ARID1B: variants seen among roughly 807,000 people sequenced by gnomAD.
ARID1B encodes the protein AT-rich interactive domain-containing protein 1B.
Under a neutral mutation model 212.3 loss-of-function variants are expected in ARID1B, and 30 were observed. The observed-to-expected ratio is 0.14, with a 90% CI of 0.11 to 0.19. The LOEUF is 0.19. Among genes scored for constraint, ARID1B ranks in the 10% least tolerant of loss-of-function variants. The probability of loss-of-function intolerance (pLI) is 1.00; values close to 1 mark genes in which losing one functional copy is unlikely to be tolerated. For missense variants in ARID1B, 2,891 were observed against 3,204.0 expected, an observed-to-expected ratio of 0.90 and a Z score of 2.36; for synonymous variants, 1,402 against 1,301.7, an observed-to-expected ratio of 1.08 and a Z score of -1.66.
At chr6:156,896,523 C>T (rs1219938372) in intron 2 of ARID1B, among the ~76,000 whole-genome samples, 2 of 143,706 alleles carry the variant, frequency 1.4e-5, no homozygotes, top group Non-Finnish European at 3.0e-5. Context: ...TTACAGTGAG[C>T]CGAGACCACA....
At chr6:156,992,442 A>G (rs1034276896) in intron 4 of ARID1B, among the ~76,000 whole-genome samples, 4 of 152,344 alleles carry the variant, frequency 2.6e-5, no homozygotes. Flanking sequence ...CTGAATTTAG[A>G]AGATGGTTAA....
rs1330176643 is a variant in ARID1B at position 157,194,584 on chromosome 6, A to C, written c.4232-1581A>C. The C allele has an allele frequency of 2.6e-5, 4 of 152,320 alleles. 1 individual carries two copies. In the Middle Eastern group the frequency reaches 0.014, roughly 518 times the overall value. 9.4% of individuals were successfully genotyped at this position (152,320 alleles called of 1,614,324 possible). A position where few individuals can be genotyped will look rare whatever the true frequency, so the allele number is the denominator to read the frequency against. Reference sequence around the variant, plus strand: ...TTCCTTCAGGCTCTGAGCTGATGCTAATTTGCATGTACTACCTACTTGTCA... The same window carrying C: ...TTCCTTCAGGCTCTGAGCTGATGCTCATTTGCATGTACTACCTACTTGTCA... On this transcript the variant is annotated intron_variant, in intron 15 of 19. Transcript: ENST00000636930.
At chr6:156,829,089 T>G (rs1320170298) in intron 1 of ARID1B, 138 bp from the exon 2 acceptor site, 2 of 676,184 alleles carry the variant, frequency 3.0e-6, no homozygotes, top group Non-Finnish European at 4.8e-6. Context: ...TTGCTGGATG[T>G]TTTGTCAGGT....
At chr6:156,987,973 T>C (rs1778035798) in intron 4 of ARID1B, among the ~76,000 whole-genome samples, 2 of 152,206 alleles carry the variant, frequency 1.3e-5, no homozygotes, top group Non-Finnish European at 2.9e-5. Flanking sequence ...GTGTGCATGA[T>C]GGTGATGTTG....
chr6:157,037,500 T>G (rs1270118762), intron 4 of ARID1B, among the ~76,000 whole-genome samples: 2 of 152,218 alleles, frequency 1.3e-5, no homozygotes, highest in East Asian at 1.9e-4. Context: ...TAGGTTATAC[T>G]GAGGCAAGAA....
intron 6 of ARID1B, among the ~76,000 whole-genome samples, chr6:157,113,346 T>G (rs1787073991): frequency 6.6e-6 from 1 of 152,258 alleles, no homozygotes; most frequent in African/African-American, 2.4e-5. Context: ...TTGTTATAGT[T>G]TGTTTTCACA....
At chr6:157,134,809 G>A (rs890160441) in intron 7 of ARID1B, among the ~76,000 whole-genome samples, 29 of 152,180 alleles carry the variant, frequency 1.9e-4, no homozygotes, top group African/African-American at 7.0e-4. Context: ...CAGAAAATGC[G>A]GGCTTTTGCT....
intron 2 of ARID1B, among the ~76,000 whole-genome samples, chr6:156,864,990 G>A (rs750436783): frequency 1.3e-5 from 2 of 151,852 alleles, no homozygotes; most frequent in African/African-American, 2.4e-5. Flanking sequence ...AATCTCAATC[G>A]GTTATAACTG....
intron 1 of ARID1B, among the ~76,000 whole-genome samples, chr6:156,814,057 AC>A (rs1781796825): frequency 6.6e-6 from 1 of 152,228 alleles, no homozygotes; most frequent in Non-Finnish European, 1.5e-5. Context: ...GAGTAAATTT[AC>A]AAGGTGATGT....
chr6:157,188,499 A>G (rs564744223), intron 13 of ARID1B, among the ~76,000 whole-genome samples: 1 of 152,308 alleles, frequency 6.6e-6, no homozygotes, highest in African/African-American at 2.4e-5. Flanking sequence ...CTCCATTGCC[A>G]CTAGAGTAAA....
At chr6:157,020,222 A>C (rs1054668530) in intron 4 of ARID1B, among the ~76,000 whole-genome samples, 1 of 152,190 alleles carries the variant, frequency 6.6e-6, no homozygotes, top group Non-Finnish European at 1.5e-5. Context: ...AATTTTTAAC[A>C]TTCCTTCTCT....
rs138493539 is a variant in ARID1B at position 156,801,401 on chromosome 6, A to T, written c.1791+21930A>T. On this transcript the variant is annotated intron_variant, in intron 1 of 19. Transcript: ENST00000636930. ...TTTTTAGTAGGGACGGGGTTTCATCATCTTGGCTGGGCTGGTCTTGAAACT... is the reference window on the plus strand; with the variant it reads ...TTTTTAGTAGGGACGGGGTTTCATCTTCTTGGCTGGGCTGGTCTTGAAACT... 3.4e-3 allele frequency among the ~76,000 whole-genome samples: 521 copies of T among 151,856 alleles called. 5 individuals carry two copies. Among genetic ancestry groups the T allele is most frequent in the African/African-American group, 0.012 (504 of 41,390 alleles).
intron 4 of ARID1B, among the ~76,000 whole-genome samples, chr6:156,974,590 T>C (rs903124205): frequency 6.6e-5 from 10 of 152,220 alleles, no homozygotes; most frequent in African/African-American, 2.4e-4. Context: ...TATTTTATAT[T>C]AATGAAATTC....
chr6:156,975,379 A>G (rs1160283770), intron 4 of ARID1B, among the ~76,000 whole-genome samples: 1 of 152,118 alleles, frequency 6.6e-6, no homozygotes, highest in Non-Finnish European at 1.5e-5. Context: ...TATATCATGG[A>G]TATGCATCTT....
At chr6:157,039,851 TCTCTC>T (rs1781725273) in intron 4 of ARID1B, among the ~76,000 whole-genome samples, 1 of 119,536 alleles carries the variant, frequency 8.4e-6, no homozygotes, top group Non-Finnish European at 1.6e-5. Flanking sequence ...TCTCTCTTTC[TCTCTC>T]TTTCTCTCTC....
In ARID1B at chr6:156,935,556, G is replaced by C. The variant is rs1477561038; in HGVS notation, c.2227G>C (p.Glu743Gln). 6.2e-7 allele frequency: 1 copy of C among 1,612,356 alleles called. No homozygotes were observed. Among genetic ancestry groups the C allele is most frequent in the Admixed American group, 1.7e-5 (1 of 60,004 alleles). The change falls in exon 4 of 20, where the codon GAA becomes CAA. Residue 743 changes from glutamate (E) to glutamine (Q), a missense_variant. Glu to Gln is a conservative substitution (Grantham distance 29). Coordinates refer to ENST00000636930, the MANE Select transcript of ARID1B (RefSeq NM_001374828.1). The stretch of plus-strand genomic sequence containing the variant: ...TGAAGACTTGAACTTAATACAGCAA[G>C]AAAGACCATCAAGTTTACCAGTAAG... ...NHEDLNLIQQERPSSLPDLSG... is the reference protein window; with the variant it reads ...NHEDLNLIQQQRPSSLPDLSG...
chr6:156,848,118 T>C lies in ARID1B; in HGVS notation c.1986+18697T>C, dbSNP rs1784345814. Among the ~76,000 whole-genome samples, 10 of 152,306 alleles carry C rather than the reference T, an allele frequency of 6.6e-5. No individual in the cohort carries two copies. The South Asian group carries it at 2.1e-3, about 32-fold the overall frequency. On this transcript the variant is annotated intron_variant, in intron 2 of 19. Coordinates refer to ENST00000636930, the MANE Select transcript of ARID1B (RefSeq NM_001374828.1). The stretch of plus-strand genomic sequence containing the variant: ...TGTGTTTCAGTGTAATTTTTAACAA[T>C]AAAGAATGAAACGGGAAGAAATTTC...
intron 4 of ARID1B, among the ~76,000 whole-genome samples, chr6:156,970,466 C>G (rs879764065): frequency 6.6e-6 from 1 of 152,224 alleles, no homozygotes; most frequent in Non-Finnish European, 1.5e-5. Flanking sequence ...GCATTTCACT[C>G]TCTTCTGTCA....
At chr6:156,815,091 T>C (rs1041665435) in intron 1 of ARID1B, among the ~76,000 whole-genome samples, 35 of 152,330 alleles carry the variant, frequency 2.3e-4, no homozygotes, top group African/African-American at 8.4e-4. Flanking sequence ...TGTGTCTCCA[T>C]TGTAAATTCC....
Sources: allele counts gnomAD v4.1 joint callset (sites outside exome capture counted in the v4.1 genomes callset), GRCh38; gene constraint gnomAD v4.1.1; transcripts MANE v1.5; gene names NCBI Gene and HGNC (gene_info 2026-07-23, HGNC 2026-07-21).